Variants in TTF1 observed in about 807,000 individuals in gnomAD.
TTF1 encodes the protein transcription termination factor 1.
TTF1 carries 64 observed loss-of-function variants against 80.2 expected under a neutral mutation model. The ratio of observed to expected loss-of-function variants is 0.80; its 90% confidence interval spans 0.65 to 0.98. The LOEUF (loss-of-function observed/expected upper bound fraction) is 0.98, where lower values mean the gene tolerates loss of function less well. Among genes scored for constraint, TTF1 ranks in the 50% least tolerant of loss-of-function variants. TTF1 has a pLI of 0.00. For missense variants in TTF1, 1,023 were observed against 1,086.2 expected (o/e 0.94, Z 0.82); for synonymous variants, 372 against 382.7 (o/e 0.97, Z 0.33).
intron 10 of TTF1, among the ~76,000 whole-genome samples, chr9:132,378,480 GGT>G (rs1237802778): frequency 7.3e-6 from 1 of 137,616 alleles, no homozygotes; most frequent in African/African-American, 2.8e-5. Flanking sequence ...GAGTGCATGT[GGT>G]GTGTGTGAAT....
At position 132,386,558 on chromosome 9, in the gene TTF1, T is replaced by C; in HGVS notation, c.2376A>G (p.Ile792Met). ...TAATATTAAACAAATGGTCTTACCC[T>C]ATGGCACTAGCAAGATCTTCCCAGT... ...EIDWEDLASAIGDVPPSYVQT... is the reference protein window; with the variant it reads ...EIDWEDLASAMGDVPPSYVQT... The change falls in exon 9 of 11, where the codon ATA (isoleucine) becomes ATG (methionine). Residue 792 changes from isoleucine to methionine, a missense_variant and splice_region_variant. Transcript: ENST00000334270. 4 of 1,609,598 alleles carry C rather than the reference T, an allele frequency of 2.5e-6. No individual in the cohort carries two copies. The highest frequency in any genetic ancestry group is 1.1e-5 in the South Asian group (1 of 90,896).
At chr9:132,406,117 G>C (rs1329347757) in intron 1 of TTF1, among the ~76,000 whole-genome samples, 1 of 152,118 alleles carries the variant, frequency 6.6e-6, no homozygotes, top group African/African-American at 2.4e-5. Flanking sequence ...ATTGAGAACG[G>C]ATATGCATTT....
intron 7 of TTF1, among the ~76,000 whole-genome samples, chr9:132,390,333 GAA>G (rs1332098961): frequency 2.6e-5 from 4 of 152,162 alleles, no homozygotes; most frequent in Non-Finnish European, 5.9e-5. Context: ...TAAAGACTTA[GAA>G]AGAGTGAAGA....
At position 132,400,163 on chromosome 9, in the gene TTF1, T is replaced by C. The variant is rs1193271716; in HGVS notation, c.1463A>G (p.Asp488Gly). The change falls in exon 3 of 11, where the codon GAT becomes GGT. Residue 488 changes from aspartate to glycine, a missense_variant. Transcript: ENST00000334270. Reference protein sequence around the residue: ...SADSGDADDSDADLGSAVKQL... With the variant: ...SADSGDADDSGADLGSAVKQL... The stretch of plus-strand genomic sequence containing the variant: ...TTTCACGGCAGAACCCAAATCCGCA[T>C]CTGAATCATCGGCATCTCCTGAATC... The C allele has an allele frequency of 1.2e-6, 2 of 1,614,200 alleles. No individual in the cohort carries two copies. Among genetic ancestry groups the C allele is most frequent in the Non-Finnish European group, 1.7e-6 (2 of 1,180,032 alleles).
intron 5 of TTF1, among the ~76,000 whole-genome samples, chr9:132,392,958 C>A (rs1462347308): frequency 6.6e-6 from 1 of 152,110 alleles, no homozygotes; most frequent in African/African-American, 2.4e-5. Flanking sequence ...TCATCTTGAG[C>A]CTTCAAAACC....
At chr9:132,403,429 A>G (rs1849805079) in intron 1 of TTF1, among the ~76,000 whole-genome samples, 1 of 152,076 alleles carries the variant, frequency 6.6e-6, no homozygotes. Context: ...TTAAGCCAAA[A>G]GCAGCTTGTT....
intron 6 of TTF1, among the ~76,000 whole-genome samples, chr9:132,391,676 C>T (rs1849560710): frequency 1.3e-5 from 2 of 152,186 alleles, no homozygotes; most frequent in African/African-American, 4.8e-5. Context: ...GAGACACAGA[C>T]AGGAGGTCAC....
At chr9:132,397,401 T>C (rs1372962072) in intron 4 of TTF1, among the ~76,000 whole-genome samples, 1 of 152,176 alleles carries the variant, frequency 6.6e-6, no homozygotes, top group East Asian at 1.9e-4. Flanking sequence ...TTGCTTTCGC[T>C]CTGATCCCAT....
rs961285644 is a variant in TTF1 at position 132,401,757 on chromosome 9, A to C, written c.1065T>G (p.Ser355Arg). ...EAVAMPESLE[S>R]AYPEGSQVGS... is the part of the protein sequence containing the mutation. Reference sequence around the variant, plus strand: ...CCACCTGTGATCCTTCAGGGTATGCACTCTCGAGGCTCTCAGGCATGGCCA... The same window carrying C: ...CCACCTGTGATCCTTCAGGGTATGCCCTCTCGAGGCTCTCAGGCATGGCCA... Residue 355 changes from serine to arginine, a missense_variant, in exon 2 of 11, where the codon AGT becomes AGG. Transcript: ENST00000334270. 6 of 1,613,090 alleles carry C rather than the reference A, an allele frequency of 3.7e-6. No individual in the cohort carries two copies. In the African/African-American group the frequency reaches 8.0e-5, roughly 22 times the overall value.
intron 10 of TTF1, among the ~76,000 whole-genome samples, chr9:132,378,072 G>C (rs1358058576): frequency 3.3e-5 from 3 of 90,974 alleles, no homozygotes; most frequent in African/African-American, 1.3e-4. Flanking sequence ...GAGTGCATGT[G>C]GTGTGTGTGA....
In TTF1 at chr9:132,396,416, T is replaced by C; in HGVS notation, c.1856+17A>G. ...CTAGAGAAATGTTGTCTCAAGCTGC[T>C]AAGACTTTTTTCTTACCTGCCTTTG... On this transcript the variant is annotated intron_variant, in intron 5 of 10. Coordinates refer to ENST00000334270, the MANE Select transcript of TTF1 (RefSeq NM_007344.4). The C allele has an allele frequency of 4.3e-6, 7 of 1,613,172 alleles. No individual in the cohort carries two copies. Among genetic ancestry groups the C allele is most frequent in the Non-Finnish European group, 5.9e-6 (7 of 1,179,042 alleles).
At position 132,386,506 on chromosome 9, in the gene TTF1, TAA is replaced by T. The variant is rs751861164; in HGVS notation, c.2378+48_2378+49del. ...GATGATAGGGAGTTATTGTATTTAT[TAA>T]GTCATCTCTATATTTTAATTAGTTT... On this transcript the variant is annotated intron_variant, in intron 9 of 10. Coordinates refer to ENST00000334270, the MANE Select transcript of TTF1 (RefSeq NM_007344.4). The T allele has an allele frequency of 4.3e-6, 6 of 1,382,276 alleles. No individual in the cohort carries two copies. The African/African-American group carries it at 7.3e-5, about 17-fold the overall frequency. 85.6% of individuals were successfully genotyped at this position (1,382,276 alleles called of 1,614,324 possible).
chr9:132,392,592 T>C (rs191914470), intron 5 of TTF1, among the ~76,000 whole-genome samples: 23 of 151,072 alleles, frequency 1.5e-4, no homozygotes, highest in African/African-American at 4.9e-4. Flanking sequence ...AAGTCCCCGT[T>C]GATTGCTCCT....
chr9:132,401,768 T>C lies in TTF1; in HGVS notation c.1054A>G (p.Ser352Gly), dbSNP rs748839744. The C allele has an allele frequency of 6.2e-7, 1 of 1,613,908 alleles. No homozygotes were observed. The highest frequency in any genetic ancestry group is 8.5e-7 in the Non-Finnish European group (1 of 1,179,996). Residue 352 changes from serine to glycine, a missense_variant, in exon 2 of 11, where the codon AGC (serine) becomes GGC (glycine). By Grantham distance (56) the Ser-to-Gly change is moderately conservative. Transcript: ENST00000334270. ...CCTTCAGGGTATGCACTCTCGAGGCTCTCAGGCATGGCCACTGCCTCAAAT... is the reference window on the plus strand; with the variant it reads ...CCTTCAGGGTATGCACTCTCGAGGCCCTCAGGCATGGCCACTGCCTCAAAT... ...QEFEAVAMPE[S>G]LESAYPEGSQ...
intron 8 of TTF1, among the ~76,000 whole-genome samples, chr9:132,387,121 C>T (rs965528736): frequency 2.6e-5 from 4 of 152,090 alleles, no homozygotes; most frequent in Admixed American, 2.6e-4. Flanking sequence ...CCATGCCCGG[C>T]TAATTTTTTA....
chr9:132,388,327 C>G, intron 7 of TTF1, 99 bp from the exon 8 acceptor site: 2 of 759,930 alleles, frequency 2.6e-6, no homozygotes, highest in South Asian at 3.8e-5. Flanking sequence ...CATTCAGAAC[C>G]AACTTCTAAC....
chr9:132,402,371 A>G lies in TTF1; in HGVS notation c.451T>C (p.Ser151Pro). 6.2e-7 allele frequency: 1 copy of G among 1,614,046 alleles called. No individual in the cohort carries two copies. Among genetic ancestry groups the G allele is most frequent in the South Asian group, 1.1e-5 (1 of 91,080 alleles). Residue 151 changes from serine to proline, a missense_variant, in exon 2 of 11, where the codon TCA (serine) becomes CCA (proline). Ser to Pro is a moderately conservative substitution (Grantham distance 74). Transcript: ENST00000334270. ...KTDKFQVLAK[S>P]HAHKSEALHS... ...AGGGCTTCTGATTTATGTGCATGTG[A>G]CTTAGCAAGTACCTGAAATTTGTCT... is the stretch of plus-strand genomic sequence containing the variant.
At position 132,376,176 on chromosome 9, in the gene TTF1, A is replaced by G; in HGVS notation, c.2465-8T>C. ...AAAGGTAGTCGATGATCTCTACAGA[A>G]AAGAAATTTAATTGTGCAGTTATCT... On this transcript the variant is annotated splice_polypyrimidine_tract_variant and splice_region_variant and intron_variant, in intron 10 of 10. Transcript: ENST00000334270. The G allele has an allele frequency of 6.2e-7, 1 of 1,606,342 alleles. No homozygotes were observed. The highest frequency in any genetic ancestry group is 8.5e-7 in the Non-Finnish European group (1 of 1,178,388).
intron 4 of TTF1, 43 bp from the exon 5 acceptor site, chr9:132,396,554 G>T: frequency 6.4e-7 from 1 of 1,572,100 alleles, no homozygotes. Context: ...CACATGAAAT[G>T]AAGTCGCAAT....
Sources: gnomAD v4.1 joint callset for allele counts (sites outside exome capture counted in the v4.1 genomes callset) on GRCh38, gnomAD v4.1.1 for gene constraint, MANE v1.5 for transcripts, NCBI Gene and HGNC (gene_info 2026-07-23, HGNC 2026-07-21) for gene names.